The following SLC44A5 variants were observed in gnomAD, a reference collection of about 807,000 sequenced individuals.
SLC44A5 encodes the protein choline transporter-like protein 5.
In SLC44A5, 57 loss-of-function variants were observed where a neutral mutation model predicts 101.8. The ratio of observed to expected loss-of-function variants is 0.56; its 90% CI spans 0.45 to 0.70. SLC44A5 has a LOEUF of 0.70. Ranked by LOEUF, SLC44A5 falls within the 30% of genes least tolerant of loss-of-function variation. The pLI, the probability that SLC44A5 is intolerant of heterozygous loss-of-function variation, is 0.00. For synonymous variants in SLC44A5, 281 were observed against 290.9 expected (o/e 0.97, Z 0.35); for missense variants, 737 against 853.1 (o/e 0.86, Z 1.70).
Position 75,580,328 on chromosome 1 carries a change from C to T in SLC44A5, c.-70+30712G>A, listed in dbSNP as rs534114743. 2.4e-4 allele frequency among the ~76,000 whole-genome samples: 36 copies of T among 152,256 alleles called. No individual in the cohort carries two copies. In the South Asian group the frequency reaches 3.5e-3, roughly 15 times the overall value. ...CAGCATTCTGAAAAATGAATTACCA[C>T]GGGGTGGGTGTCCCATATGACTAGC... On this transcript the variant is annotated intron_variant, in intron 1 of 23. Coordinates refer to ENST00000370859, the MANE Select transcript of SLC44A5 (RefSeq NM_001130058.2).
chr1:75,601,292 G>T (rs374771408), intron 1 of SLC44A5, among the ~76,000 whole-genome samples: 1 of 146,544 alleles, frequency 6.8e-6, no homozygotes, highest in Admixed American at 7.2e-5. Context: ...AACAAACACC[G>T]CATGTTCTCA....
intron 2 of SLC44A5, among the ~76,000 whole-genome samples, chr1:75,514,409 C>G (rs190599365): frequency 8.7e-4 from 132 of 152,232 alleles, no homozygotes; most frequent in Middle Eastern, 6.8e-3. Context: ...GTGCGGTCAT[C>G]ATGTGAAGTA....
At chr1:75,622,397 A>T in the SLC44A5 span, among the ~76,000 whole-genome samples, 2 of 152,002 alleles carry the variant, frequency 1.3e-5, no homozygotes, top group African/African-American at 2.4e-5. Context: ...CTGTCATCGA[A>T]CCTCTAGAAT....
chr1:75,364,439 C>A (rs764653333), intron 3 of SLC44A5, among the ~76,000 whole-genome samples: 1 of 152,122 alleles, frequency 6.6e-6, no homozygotes, highest in Non-Finnish European at 1.5e-5. Context: ...CATGAGAAAT[C>A]ACTCACTATC....
chr1:75,556,677 TG>T (rs889810107), intron 1 of SLC44A5, among the ~76,000 whole-genome samples: 2 of 152,112 alleles, frequency 1.3e-5, no homozygotes, highest in African/African-American at 4.8e-5. Flanking sequence ...AAACAAACAA[TG>T]GCTGTTATTC....
intron 2 of SLC44A5, among the ~76,000 whole-genome samples, chr1:75,463,632 A>G (rs1666642134): frequency 6.6e-6 from 1 of 152,118 alleles, no homozygotes. Context: ...AACATAAAGG[A>G]GAAATAAAGA....
chr1:75,628,759 T>C, the SLC44A5 span, among the ~76,000 whole-genome samples: 1 of 152,182 alleles, frequency 6.6e-6, no homozygotes, highest in Non-Finnish European at 1.5e-5. Flanking sequence ...TAGAACAGTA[T>C]GGCAAACCTC....
At chr1:75,431,149 G>C (rs11809429) in intron 2 of SLC44A5, among the ~76,000 whole-genome samples, 37,652 of 152,078 alleles carry the variant, frequency 0.25, 4,880 homozygotes, top group African/African-American at 0.31. Context: ...CCAGTCAAAA[G>C]AGCCAATCCA....
At chr1:75,300,043 T>A in intron 5 of SLC44A5, among the ~76,000 whole-genome samples, 1 of 133,960 alleles carries the variant, frequency 7.5e-6, no homozygotes, top group African/African-American at 3.6e-5. Flanking sequence ...AAAAAAAAAT[T>A]TCAAATAAAG....
chr1:75,479,454 A>C (rs892465253), intron 2 of SLC44A5, among the ~76,000 whole-genome samples: 99 of 152,340 alleles, frequency 6.5e-4, no homozygotes, highest in Non-Finnish European at 1.3e-3. Context: ...AAATTAATGA[A>C]TCCAGGAGCT....
chr1:75,693,593 G>C, the SLC44A5 span, among the ~76,000 whole-genome samples: 137,940 of 152,176 alleles, frequency 0.91, 62,720 homozygotes, highest in Middle Eastern at 0.94. Flanking sequence ...GTTTCTTATC[G>C]CAAGGCAGTA....
chr1:75,723,729 C>T, the SLC44A5 span: 8 of 152,172 alleles, frequency 5.3e-5, no homozygotes, highest in Non-Finnish European at 1.2e-4. Context: ...TATCCCTTTT[C>T]CGAATTTTCC....
At chr1:75,580,242 A>C (rs998507386) in intron 1 of SLC44A5, among the ~76,000 whole-genome samples, 4 of 152,244 alleles carry the variant, frequency 2.6e-5, no homozygotes, top group African/African-American at 7.2e-5. Context: ...CAAAAAATAA[A>C]AATAAAAAAG....
chr1:75,413,188 A>C (rs879855783), intron 2 of SLC44A5, among the ~76,000 whole-genome samples: 1 of 152,166 alleles, frequency 6.6e-6, no homozygotes, highest in Non-Finnish European at 1.5e-5. Flanking sequence ...ACTTTATCAT[A>C]GGTGTATATA....
intron 2 of SLC44A5, among the ~76,000 whole-genome samples, chr1:75,489,667 A>C (rs1668333798): frequency 6.6e-6 from 1 of 152,234 alleles, no homozygotes; most frequent in Admixed American, 6.5e-5. Flanking sequence ...ATGAAATAAC[A>C]AATGGAGTAC....
At chr1:75,357,378 CT>C (rs1160773650) in intron 3 of SLC44A5, among the ~76,000 whole-genome samples, 3 of 152,130 alleles carry the variant, frequency 2.0e-5, no homozygotes, top group Non-Finnish European at 4.4e-5. Flanking sequence ...ATTTCAACCT[CT>C]GAAAAGGTTT....
intron 5 of SLC44A5, among the ~76,000 whole-genome samples, chr1:75,275,990 A>C (rs1029291441): frequency 1.3e-5 from 2 of 151,934 alleles, no homozygotes; most frequent in Admixed American, 6.6e-5. Context: ...TAATTCAATC[A>C]CTCTTATGTA....
chr1:75,445,029 T>C (rs533715290), intron 2 of SLC44A5, among the ~76,000 whole-genome samples: 66 of 152,288 alleles, frequency 4.3e-4, no homozygotes, highest in African/African-American at 1.4e-3. Context: ...TCTCTCTTGA[T>C]GTAAATTCTC....
chr1:75,322,874 T>A (rs1656274445), intron 4 of SLC44A5, among the ~76,000 whole-genome samples: 2 of 152,218 alleles, frequency 1.3e-5, no homozygotes, highest in Non-Finnish European at 2.9e-5. Flanking sequence ...ACTAAGCTTT[T>A]TCATGTTTTT....
Sources: gnomAD v4.1 joint callset for allele counts (sites outside exome capture counted in the v4.1 genomes callset) on GRCh38, gnomAD v4.1.1 for gene constraint, MANE v1.5 for transcripts, NCBI Gene and HGNC (gene_info 2026-07-23, HGNC 2026-07-21) for gene names.